Variants in MARVELD3 observed in about 807,000 individuals in gnomAD.
The protein encoded by MARVELD3 is MARVEL domain-containing protein 3.
MARVELD3 carries 28 observed loss-of-function variants against 33.5 expected under a neutral mutation model. The ratio of observed to expected loss-of-function variants is 0.84; its 90% CI spans 0.62 to 1.15. The LOEUF is 1.15. MARVELD3 is among the 50% of genes most tolerant of loss of function. MARVELD3 has a pLI of 0.00. For synonymous variants in MARVELD3, 241 were observed against 230.4 expected (o/e 1.05, Z -0.42); for missense variants, 582 against 547.6 (o/e 1.06, Z -0.63).
chr16:71,629,201 C>A, intron 1 of MARVELD3, 166 bp from the exon 2 acceptor site: 1 of 706,104 alleles, frequency 1.4e-6, no homozygotes. Context: ...TTTGGATGTC[C>A]CGTGGGGCCA....
Position 71,635,062 on chromosome 16 carries a change from T to A in MARVELD3, c.*259T>A. The A allele has an allele frequency of 8.7e-7, 1 of 1,147,892 alleles. No individual in the cohort carries two copies. Among genetic ancestry groups the A allele is most frequent in the Admixed American group, 4.3e-5 (1 of 23,326 alleles). 71.1% of individuals were successfully genotyped at this position (1,147,892 alleles called of 1,614,324 possible). On this transcript the variant is annotated 3_prime_UTR_variant, in exon 3 of 3. Coordinates refer to ENST00000268485, the MANE Select transcript of MARVELD3 (RefSeq NM_052858.6). ...CAAAAAAATGGCCGGCCTCGGCGGC[T>A]CACACCTGTAACCCCAGCACTTTGG...
downstream of MARVELD3, among the ~76,000 whole-genome samples, chr16:71,637,388 G>C (rs2044588266): frequency 6.6e-6 from 1 of 152,162 alleles, no homozygotes; most frequent in Non-Finnish European, 1.5e-5. Context: ...GGAAAACCAA[G>C]GGAGAGAAAG....
rs780060964 is a variant in MARVELD3, at chr16:71,634,434, C to A, written c.837C>A (p.Ala279=). The A allele has an allele frequency of 6.2e-7, 1 of 1,614,202 alleles. No homozygotes were observed. Among genetic ancestry groups the A allele is most frequent in the South Asian group, 1.1e-5 (1 of 91,084 alleles). Residue 279 remains alanine (A), a synonymous_variant, in exon 3 of 3, where the codon GCC becomes GCA. Transcript: ENST00000268485. The part of the protein sequence containing the change: ...MVTVAMACSG[A]LTALCCLFVA... Reference sequence around the variant, plus strand: ...CTGTGGCAATGGCCTGTAGTGGAGCCCTCACAGCCCTCTGCTGCCTCTTCG... The same window carrying A: ...CTGTGGCAATGGCCTGTAGTGGAGCACTCACAGCCCTCTGCTGCCTCTTCG...
chr16:71,640,299 A>G, downstream of MARVELD3: 1 of 1,407,732 alleles, frequency 7.1e-7, no homozygotes, highest in Non-Finnish European at 9.7e-7. Context: ...TGAATCAACC[A>G]CGTCCTTAAA....
At chr16:71,639,980 A>G (rs2044605532), downstream of MARVELD3, among the ~76,000 whole-genome samples, 1 of 152,164 alleles carries the variant, frequency 6.6e-6, no homozygotes, top group African/African-American at 2.4e-5. Flanking sequence ...AAATATACTG[A>G]TGTTGAGGCT....
rs934355196 is a variant in MARVELD3 at position 71,635,126 on chromosome 16, G to C, written c.*323G>C. 3.6e-5 allele frequency: 33 copies of C among 912,886 alleles called. No individual in the cohort carries two copies. Among genetic ancestry groups the C allele is most frequent in the Non-Finnish European group, 4.2e-5 (32 of 753,550 alleles). 56.5% of individuals were successfully genotyped at this position (912,886 alleles called of 1,614,324 possible). On this transcript the variant is annotated 3_prime_UTR_variant, in exon 3 of 3. Transcript: ENST00000268485. ...GTGGATCACTTGAGGTCAGGAGCTC[G>C]AGACCAGCTTGGCCAACATGGTGAG...
downstream of MARVELD3, chr16:71,638,698 C>G (rs2044597281): frequency 6.6e-6 from 1 of 152,164 alleles, no homozygotes; most frequent in Non-Finnish European, 1.5e-5. Context: ...ACCCAGTTTT[C>G]TCCAATGATA....
chr16:71,639,897 G>A (rs573600338), downstream of MARVELD3, among the ~76,000 whole-genome samples: 16 of 152,236 alleles, frequency 1.1e-4, no homozygotes, highest in Middle Eastern at 3.4e-3. Flanking sequence ...TTATGTCCAC[G>A]TCTTTGTTTT....
At chr16:71,637,138 G>A (rs576184400), downstream of MARVELD3, among the ~76,000 whole-genome samples, 1 of 152,038 alleles carries the variant, frequency 6.6e-6, no homozygotes, top group Non-Finnish European at 1.5e-5. Flanking sequence ...CTGGAACCTG[G>A]GATAATATTC....
At position 71,626,668 on chromosome 16, in the gene MARVELD3, G is replaced by C; in HGVS notation, c.439G>C (p.Gly147Arg). ...APEPPQPQRK[G>R]DPGRRRPESE... ...GGAGCCGCCGCAGCCGCAGAGGAAG[G>C]GAGACCCCGGGCGCCGCAGACCCGA... The change falls in exon 1 of 3, where the codon GGA becomes CGA. Residue 147 changes from glycine to arginine, a missense_variant. Gly to Arg is a moderately radical substitution (Grantham distance 125). Coordinates refer to ENST00000268485, the MANE Select transcript of MARVELD3 (RefSeq NM_052858.6). The surrounding 1 kb of genome is among the most constrained non-coding windows in gnomAD (Gnocchi z 5.3). The C allele has an allele frequency of 6.6e-7, 1 of 1,516,910 alleles. No individual in the cohort carries two copies. Among genetic ancestry groups the C allele is most frequent in the Non-Finnish European group, 8.8e-7 (1 of 1,137,184 alleles). The allele number at this position is 1,516,910 out of a possible 1,614,324, so 94.0% of individuals were successfully genotyped here.
In MARVELD3 at chr16:71,636,408, A is replaced by G. The variant is rs1228305393; in HGVS notation, c.*1605A>G. 1.3e-5 allele frequency: 2 copies of G among 153,370 alleles called. No individual in the cohort carries two copies. The highest frequency in any genetic ancestry group is 4.8e-5 in the African/African-American group (2 of 41,472). The allele number at this position is 153,370 out of a possible 1,614,324, so 9.5% of individuals were successfully genotyped here. On this transcript the variant is annotated 3_prime_UTR_variant, in exon 3 of 3. Transcript: ENST00000268485. ...TTGAAGAGAAGGGGACTTTTCATTT[A>G]TACATGGCTTGACTGCACATGTATT... is the stretch of plus-strand genomic sequence containing the variant.
chr16:71,636,138 T>C lies in MARVELD3; in HGVS notation c.*1335T>C. 1.0e-6 allele frequency: 1 copy of C among 985,330 alleles called. No homozygotes were observed. The highest frequency in any genetic ancestry group is 1.2e-6 in the Non-Finnish European group (1 of 829,828). The allele number at this position is 985,330 out of a possible 1,614,324, so 61.0% of individuals were successfully genotyped here. Reference sequence around the variant, plus strand: ...TTATGACTTATGGAACATTACAATATATTCTCGGTCCAAGTGAGTAAGTTC... The same window carrying C: ...TTATGACTTATGGAACATTACAATACATTCTCGGTCCAAGTGAGTAAGTTC... On this transcript the variant is annotated 3_prime_UTR_variant, in exon 3 of 3. Coordinates refer to ENST00000268485, the MANE Select transcript of MARVELD3 (RefSeq NM_052858.6).
chr16:71,639,141 G>T (rs2044600604), downstream of MARVELD3: 1 of 140,694 alleles, frequency 7.1e-6, no homozygotes, highest in African/African-American at 2.7e-5. Context: ...GCGCAATCTC[G>T]GCTCATTGCA....
chr16:71,636,481 T>TC (rs1392080142), downstream of MARVELD3: 2 of 152,260 alleles, frequency 1.3e-5, no homozygotes, highest in Non-Finnish European at 2.9e-5. Context: ...TCTCCTCAGT[T>TC]TTTTTCAGGA....
downstream of MARVELD3, chr16:71,641,093 C>A: frequency 6.6e-7 from 1 of 1,519,090 alleles, no homozygotes; most frequent in Non-Finnish European, 8.9e-7. Flanking sequence ...TTTAAAACTC[C>A]GCATTAGACA....
At position 71,636,112 on chromosome 16, in the gene MARVELD3, G is replaced by C. The variant is rs1011436023; in HGVS notation, c.*1309G>C. On this transcript the variant is annotated 3_prime_UTR_variant, in exon 3 of 3. Transcript: ENST00000268485. ...ATTGCAATATATTCTCGGTCCTTAA[G>C]TTATGACTTATGGAACATTACAATA... 1.2e-5 allele frequency: 12 copies of C among 985,082 alleles called. No homozygotes were observed. In the African/African-American group the frequency reaches 2.1e-4, roughly 17 times the overall value. The allele number at this position is 985,082 out of a possible 1,614,324, so 61.0% of individuals were successfully genotyped here.
In MARVELD3 at chr16:71,636,020, A is replaced by G. The variant is rs1320609194; in HGVS notation, c.*1217A>G. 1 of 985,334 alleles carries G rather than the reference A, an allele frequency of 1.0e-6. No individual in the cohort carries two copies. Among genetic ancestry groups the G allele is most frequent in the East Asian group, 1.1e-4 (1 of 8,834 alleles). 61.0% of individuals were successfully genotyped at this position (985,334 alleles called of 1,614,324 possible). The stretch of plus-strand genomic sequence containing the variant: ...AGGATGTAAAATCTTTCCCAACAGA[A>G]GAGTGTTACTTTTGGTCAGACAACT... On this transcript the variant is annotated 3_prime_UTR_variant, in exon 3 of 3. Coordinates refer to ENST00000268485, the MANE Select transcript of MARVELD3 (RefSeq NM_052858.6).
chr16:71,634,684 G>C lies in MARVELD3; in HGVS notation c.1087G>C (p.Ala363Pro). ...GCSFHGADIG[A>P]GIFAALGIVV... ...CAGTTTCCACGGAGCAGATATAGGA[G>C]CTGGAATCTTTGCTGCCCTGGGCAT... Residue 363 changes from alanine to proline, a missense_variant, in exon 3 of 3, where the codon GCT becomes CCT. By Grantham distance (27) the Ala-to-Pro change is conservative. Transcript: ENST00000268485. The C allele has an allele frequency of 6.2e-7, 1 of 1,614,252 alleles. No individual in the cohort carries two copies. Among genetic ancestry groups the C allele is most frequent in the Non-Finnish European group, 8.5e-7 (1 of 1,180,054 alleles).
Position 71,626,292 on chromosome 16 carries a change from G to C in MARVELD3, c.63G>C (p.Arg21=). 1 of 1,542,186 alleles carries C rather than the reference G, an allele frequency of 6.5e-7. No homozygotes were observed. The highest frequency in any genetic ancestry group is 1.4e-5 in the African/African-American group (1 of 72,468). The change falls in exon 1 of 3, where the codon CGG becomes CGC. Residue 21 remains arginine (R), a synonymous_variant. Transcript: ENST00000268485. The surrounding 1 kb of genome is among the most constrained non-coding windows in gnomAD (Gnocchi z 5.3). ...RARPRERDPG[R]RPHPDQGRTH... Reference sequence around the variant, plus strand: ...GGCCGAGAGAGCGGGACCCGGGACGGCGCCCCCACCCAGACCAAGGCCGCA... The same window carrying C: ...GGCCGAGAGAGCGGGACCCGGGACGCCGCCCCCACCCAGACCAAGGCCGCA...
Sources: gnomAD v4.1 joint callset for allele counts (sites outside exome capture counted in the v4.1 genomes callset) on GRCh38, gnomAD v4.1.1 for gene constraint, Gnocchi (gnomAD v3.1) non-coding constraint, MANE v1.5 for transcripts, NCBI Gene and HGNC (gene_info 2026-07-23, HGNC 2026-07-21) for gene names.